The following VTI1A variants were observed in gnomAD, a reference collection of about 807,000 sequenced individuals.
The protein encoded by VTI1A is vesicle transport through interaction with t-SNAREs 1A, also known as vesicle transport through interaction with t-SNAREs homolog 1A.
VTI1A carries 22 observed loss-of-function variants against 34.9 expected under a neutral mutation model. The ratio of observed to expected loss-of-function variants is 0.63; its 90% CI spans 0.45 to 0.90. The LOEUF is 0.90. Among genes scored for constraint, VTI1A ranks in the 40% least tolerant of loss-of-function variants. The pLI is 0.00. For missense variants in VTI1A, 268 were observed against 275.6 expected (o/e 0.97, Z 0.20); for synonymous variants, 87 against 97.3 (o/e 0.89, Z 0.62).
At chr10:112,612,671 G>A (rs1470068596) in intron 5 of VTI1A, among the ~76,000 whole-genome samples, 1 of 152,086 alleles carries the variant, frequency 6.6e-6, no homozygotes, top group Admixed American at 6.5e-5. Flanking sequence ...TGATCCTCCT[G>A]CCTCAGCCTC....
intron 4 of VTI1A, among the ~76,000 whole-genome samples, chr10:112,535,864 G>C (rs1202829339): frequency 6.6e-6 from 1 of 152,182 alleles, no homozygotes; most frequent in Non-Finnish European, 1.5e-5. Flanking sequence ...TCAAGAACTT[G>C]ATTTTAGTTT....
intron 7 of VTI1A, among the ~76,000 whole-genome samples, chr10:112,768,937 A>G (rs1851724821): frequency 1.3e-5 from 2 of 152,230 alleles, no homozygotes; most frequent in Admixed American, 1.3e-4. Flanking sequence ...CATGAAGGGT[A>G]TAGGAATTCA....
intron 5 of VTI1A, among the ~76,000 whole-genome samples, chr10:112,568,930 G>A (rs1460731918): frequency 6.6e-6 from 1 of 151,922 alleles, no homozygotes; most frequent in Non-Finnish European, 1.5e-5. Context: ...ATATGTGGGC[G>A]GATCACCTGA....
intron 3 of VTI1A, among the ~76,000 whole-genome samples, chr10:112,510,334 T>C (rs1048243931): frequency 1.3e-5 from 2 of 152,126 alleles, no homozygotes; most frequent in African/African-American, 2.4e-5. Flanking sequence ...CCCAAAAACT[T>C]TTTATTTAGA....
chr10:112,536,393 C>T (rs911717820), intron 4 of VTI1A, among the ~76,000 whole-genome samples: 1 of 152,126 alleles, frequency 6.6e-6, no homozygotes, highest in Non-Finnish European at 1.5e-5. Flanking sequence ...AGAACCTGCA[C>T]ATAGGGAAAC....
the VTI1A span, among the ~76,000 whole-genome samples, chr10:112,843,253 G>A: frequency 6.6e-6 from 1 of 152,240 alleles, no homozygotes; most frequent in Non-Finnish European, 1.5e-5. Flanking sequence ...TCTCCCCTGA[G>A]ATGCAGACTG....
chr10:112,786,186 G>C (rs1009956560), intron 7 of VTI1A, among the ~76,000 whole-genome samples: 9 of 152,088 alleles, frequency 5.9e-5, no homozygotes, highest in African/African-American at 1.9e-4. Context: ...TTGTTTCTAA[G>C]TTTTGCATTC....
At chr10:112,553,107 C>T (rs572442067) in intron 5 of VTI1A, among the ~76,000 whole-genome samples, 3 of 152,304 alleles carry the variant, frequency 2.0e-5, no homozygotes, top group South Asian at 2.1e-4. Flanking sequence ...GGAGAACACA[C>T]GTGCAATTTC....
chr10:112,572,975 T>C (rs552552692), intron 5 of VTI1A, among the ~76,000 whole-genome samples: 8 of 152,056 alleles, frequency 5.3e-5, no homozygotes, highest in Non-Finnish European at 1.2e-4. Flanking sequence ...CAGCTTTGTC[T>C]GGAAAGTTCT....
intron 5 of VTI1A, among the ~76,000 whole-genome samples, chr10:112,568,807 C>A (rs1281059751): frequency 1.3e-5 from 2 of 152,110 alleles, no homozygotes; most frequent in Non-Finnish European, 2.9e-5. Flanking sequence ...TGTAACTCTC[C>A]TTTGACCACC....
At chr10:112,672,511 A>G (rs1590053348) in intron 7 of VTI1A, among the ~76,000 whole-genome samples, 1 of 152,332 alleles carries the variant, frequency 6.6e-6, no homozygotes, top group East Asian at 1.9e-4. Flanking sequence ...ACAGAGTTTA[A>G]ATACAGTGGA....
chr10:112,692,852 C>T (rs116348268), intron 7 of VTI1A, among the ~76,000 whole-genome samples: 3 of 152,346 alleles, frequency 2.0e-5, no homozygotes, highest in African/African-American at 7.2e-5. Flanking sequence ...CTGGCCTTGG[C>T]GGGTTCCTTG....
chr10:112,626,618 G>C (rs572748120), intron 5 of VTI1A, among the ~76,000 whole-genome samples: 1 of 152,096 alleles, frequency 6.6e-6, no homozygotes, highest in South Asian at 2.1e-4. Flanking sequence ...ATACAGACCA[G>C]AAGTGATCTT....
chr10:112,530,808 C>T (rs75419259), intron 4 of VTI1A, among the ~76,000 whole-genome samples: 3 of 152,142 alleles, frequency 2.0e-5, no homozygotes, highest in East Asian at 3.9e-4. Context: ...TAAAGAAGGT[C>T]GGTATCATTT....
At chr10:112,790,413 C>T (rs1367070088) in intron 7 of VTI1A, among the ~76,000 whole-genome samples, 3 of 152,200 alleles carry the variant, frequency 2.0e-5, no homozygotes, top group African/African-American at 7.2e-5. Context: ...TTATCTAGCA[C>T]TTCTGTGGCT....
At chr10:112,527,365 T>G in intron 4 of VTI1A, 15 of 400,972 alleles carry the variant, frequency 3.7e-5, no homozygotes, top group East Asian at 8.0e-5. Flanking sequence ...TTGTGATCAC[T>G]GTCTGCTATC....
At chr10:112,635,332 T>G (rs937220119) in intron 5 of VTI1A, among the ~76,000 whole-genome samples, 37 of 152,148 alleles carry the variant, frequency 2.4e-4, no homozygotes, top group African/African-American at 8.7e-4. Context: ...AGCAGAACCG[T>G]GAGCAGTCAG....
intron 4 of VTI1A, among the ~76,000 whole-genome samples, chr10:112,528,960 T>C (rs1850338049): frequency 6.6e-6 from 1 of 152,116 alleles, no homozygotes; most frequent in Non-Finnish European, 1.5e-5. Context: ...TTTTTATGCC[T>C]AAAGAAAACT....
At chr10:112,699,223 A>T (rs1391360630) in intron 7 of VTI1A, among the ~76,000 whole-genome samples, 1 of 152,202 alleles carries the variant, frequency 6.6e-6, no homozygotes, top group Non-Finnish European at 1.5e-5. Flanking sequence ...TAGACCTGTC[A>T]TTGGTGGTAT....
Sources: allele counts gnomAD v4.1 joint callset (sites outside exome capture counted in the v4.1 genomes callset), GRCh38; gene constraint gnomAD v4.1.1; transcripts MANE v1.5; gene names NCBI Gene and HGNC (gene_info 2026-07-23, HGNC 2026-07-21).